SV2B: variants seen among roughly 807,000 people sequenced by gnomAD.
SV2B encodes the protein synaptic vesicle glycoprotein 2B.
Under a neutral mutation model 73.9 loss-of-function variants are expected in SV2B, and 41 were observed. The ratio of observed to expected loss-of-function variants is 0.56; its 90% confidence interval spans 0.43 to 0.72. The LOEUF (loss-of-function observed/expected upper bound fraction) is 0.72, where lower values mean the gene tolerates loss of function less well. Ranked by LOEUF, SV2B falls within the 30% of genes least tolerant of loss-of-function variation. The pLI, the probability that SV2B is intolerant of heterozygous loss-of-function variation, is 0.00. For synonymous variants in SV2B, 314 were observed against 314.2 expected (o/e 1.00, Z 0.01); for missense variants, 764 against 857.8 (o/e 0.89, Z 1.37).
At chr15:91,276,047 T>C (rs1459956424) in intron 9 of SV2B, among the ~76,000 whole-genome samples, 1 of 150,538 alleles carries the variant, frequency 6.6e-6, no homozygotes, top group East Asian at 1.9e-4. Flanking sequence ...TTGCTGGGTA[T>C]AAAATCTGGG....
intron 1 of SV2B, among the ~76,000 whole-genome samples, chr15:91,189,938 A>C (rs2044939732): frequency 6.6e-6 from 1 of 152,168 alleles, no homozygotes; most frequent in Non-Finnish European, 1.5e-5. Context: ...CAGTGAGCTG[A>C]GATTGCGCCA....
At chr15:91,206,915 C>A (rs1216675209) in intron 1 of SV2B, among the ~76,000 whole-genome samples, 2 of 152,080 alleles carry the variant, frequency 1.3e-5, no homozygotes, top group Non-Finnish European at 2.9e-5. Flanking sequence ...AATAGAAAAG[C>A]AGATTGATGC....
chr15:91,131,671 AC>A (rs1201980784), intron 1 of SV2B, among the ~76,000 whole-genome samples: 1 of 151,886 alleles, frequency 6.6e-6, no homozygotes, highest in Non-Finnish European at 1.5e-5. Context: ...AACAAAAAAA[AC>A]AAAAAAGTGG....
At chr15:91,263,251 GGAACACACGGACAC>G (rs1209590881) in intron 6 of SV2B, among the ~76,000 whole-genome samples, 2 of 125,852 alleles carry the variant, frequency 1.6e-5, no homozygotes, top group African/African-American at 8.8e-5. Flanking sequence ...AACAGACACA[GGAACACACGGACAC>G]AGACACATGG....
chr15:91,169,481 C>A (rs1555476285), intron 1 of SV2B, among the ~76,000 whole-genome samples: 1 of 130,150 alleles, frequency 7.7e-6, no homozygotes, highest in Non-Finnish European at 1.6e-5. Flanking sequence ...GTAATATGTA[C>A]CTGCTTCTCC....
At chr15:91,282,141 A>T (rs764686282) in intron 10 of SV2B, among the ~76,000 whole-genome samples, 1 of 152,246 alleles carries the variant, frequency 6.6e-6, no homozygotes. Context: ...GGCTGATGCT[A>T]TACACGAAGG....
chr15:91,113,583 C>T (rs2042095525), intron 1 of SV2B, among the ~76,000 whole-genome samples: 2 of 152,112 alleles, frequency 1.3e-5, no homozygotes, highest in Admixed American at 6.6e-5. Flanking sequence ...ATAGAGAAAA[C>T]GACTGGGGTA....
chr15:91,191,063 C>CTTTTTTTTTTTT lies in SV2B; in HGVS notation c.-391-34800_-391-34789dup, dbSNP rs59849012. On this transcript the variant is annotated intron_variant, in intron 1 of 12. Coordinates refer to ENST00000394232, the MANE Select transcript of SV2B (RefSeq NM_001323032.3). ...TACCCTGGTGGTTTTTTTGGTGTTT[C>CTTTTTTTTTTTT]TTTTTTTTTTTTTTTTTTTTTGACA... Among the ~76,000 whole-genome samples the CTTTTTTTTTTTT allele has an allele frequency of 2.5e-4, 16 of 64,236 alleles. 1 individual carries two copies. The highest frequency in any genetic ancestry group is 4.1e-4 in the Non-Finnish European group (13 of 32,080). 42.1% of individuals were successfully genotyped at this position (64,236 alleles called of 152,430 possible). A position where few individuals can be genotyped will look rare whatever the true frequency, so the allele number is the denominator to read the frequency against.
chr15:91,188,476 G>T lies in SV2B; in HGVS notation c.-391-37397G>T, dbSNP rs1001863571. On this transcript the variant is annotated intron_variant, in intron 1 of 12. Coordinates refer to ENST00000394232, the MANE Select transcript of SV2B (RefSeq NM_001323032.3). ...CTACAGGCGCCTGCCACCACGCCTG[G>T]CTAATTTTTTTTGTATTTTTAGTAG... Among the ~76,000 whole-genome samples the T allele has an allele frequency of 2.0e-5, 3 of 151,928 alleles. No individual in the cohort carries two copies. The South Asian group carries it at 6.2e-4, about 32-fold the overall frequency.
At chr15:91,168,329 A>AGAGAGAGAGAGAGAGAGAGAGG (rs771515692) in intron 1 of SV2B, among the ~76,000 whole-genome samples, 1 of 151,886 alleles carries the variant, frequency 6.6e-6, no homozygotes, top group Non-Finnish European at 1.5e-5. Context: ...AGAGAGAGAG[A>AGAGAGAGAGAGAGAGAGAGAGG]GAAAAGAAAT....
intron 1 of SV2B, among the ~76,000 whole-genome samples, chr15:91,203,524 T>A (rs2045532446): frequency 1.3e-5 from 2 of 152,252 alleles, no homozygotes; most frequent in Non-Finnish European, 2.9e-5. Flanking sequence ...ATGAAATGCC[T>A]TTATATCTTT....
At chr15:91,222,309 G>T (rs184158497) in intron 1 of SV2B, among the ~76,000 whole-genome samples, 22 of 152,346 alleles carry the variant, frequency 1.4e-4, no homozygotes, top group Non-Finnish European at 2.5e-4. Context: ...CAGGTTAAAA[G>T]ATGTAAAGCA....
chr15:91,209,125 T>TTTTTG (rs2045758712), intron 1 of SV2B, among the ~76,000 whole-genome samples: 1 of 139,780 alleles, frequency 7.2e-6, no homozygotes, highest in African/African-American at 2.7e-5. Flanking sequence ...TTTTTTTTTT[T>TTTTTG]TTTTTTTTTT....
rs2049130831 is a variant in SV2B at position 91,293,893 on chromosome 15, C to T, written c.*1341C>T. ...CTGTTTCCTGAAGTCCAGCTTTGAA[C>T]ATAAACAGGGGTGTGGGTTGGGGGA... On this transcript the variant is annotated 3_prime_UTR_variant, in exon 13 of 13. Coordinates refer to ENST00000394232, the MANE Select transcript of SV2B (RefSeq NM_001323032.3). The T allele has an allele frequency of 6.6e-6, 1 of 152,302 alleles. No homozygotes were observed. The highest frequency in any genetic ancestry group is 2.1e-4 in the South Asian group (1 of 4,836). 9.4% of individuals were successfully genotyped at this position (152,302 alleles called of 1,614,324 possible). A position where few individuals can be genotyped will look rare whatever the true frequency, so the allele number is the denominator to read the frequency against.
chr15:91,103,394 T>A (rs2041792358), intron 1 of SV2B, among the ~76,000 whole-genome samples: 1 of 152,218 alleles, frequency 6.6e-6, no homozygotes, highest in South Asian at 2.1e-4. Flanking sequence ...AGGCCAGCAG[T>A]CCTTGCTAGA....
At chr15:91,161,869 C>T (rs2043731961) in intron 1 of SV2B, among the ~76,000 whole-genome samples, 1 of 152,186 alleles carries the variant, frequency 6.6e-6, no homozygotes, top group Admixed American at 6.5e-5. Flanking sequence ...GTGTGTCTCT[C>T]ACAAAAGTAT....
chr15:91,183,826 G>C (rs560590918), intron 1 of SV2B, among the ~76,000 whole-genome samples: 1 of 152,314 alleles, frequency 6.6e-6, no homozygotes, highest in East Asian at 1.9e-4. Flanking sequence ...GGAGGAAACC[G>C]ACTATTTGCC....
intron 1 of SV2B, chr15:91,101,718 C>T (rs2151710952): frequency 6.6e-6 from 1 of 152,192 alleles, no homozygotes; most frequent in Non-Finnish European, 1.5e-5. Flanking sequence ...GAGTGACCCA[C>T]ATGACTCTCC....
At chr15:91,150,314 GTCTC>G (rs1254154497) in intron 1 of SV2B, among the ~76,000 whole-genome samples, 6 of 152,124 alleles carry the variant, frequency 3.9e-5, no homozygotes, top group African/African-American at 1.4e-4. Context: ...GCTTCTGTCT[GTCTC>G]TCTATCACTC....
Sources: gnomAD v4.1 joint callset for allele counts (sites outside exome capture counted in the v4.1 genomes callset) on GRCh38, gnomAD v4.1.1 for gene constraint, MANE v1.5 for transcripts, NCBI Gene and HGNC (gene_info 2026-07-23, HGNC 2026-07-21) for gene names.